CFAP299: variants seen among roughly 807,000 people sequenced by gnomAD.
CFAP299 encodes the protein cilia- and flagella-associated protein 299.
In CFAP299, 21 loss-of-function variants were observed where a neutral mutation model predicts 27.0. The observed-to-expected ratio is 0.78, with a 90% CI of 0.55 to 1.12. The LOEUF (loss-of-function observed/expected upper bound fraction) is 1.12. CFAP299 is among the 50% of genes most tolerant of loss of function. CFAP299 has a pLI of 0.00. For synonymous variants in CFAP299, 104 were observed against 98.1 expected (o/e 1.06, Z -0.36); for missense variants, 310 against 276.6 (o/e 1.12, Z -0.86).
chr4:80,893,000 T>C (rs1395853720), intron 4 of CFAP299, among the ~76,000 whole-genome samples: 1 of 151,512 alleles, frequency 6.6e-6, no homozygotes, highest in African/African-American at 2.4e-5. Context: ...ATCGAGAAAA[T>C]TAATGTTAGA....
At chr4:80,693,979 C>G (rs567807116) in intron 3 of CFAP299, among the ~76,000 whole-genome samples, 5 of 152,200 alleles carry the variant, frequency 3.3e-5, no homozygotes, top group African/African-American at 9.6e-5. Context: ...CTGAGGAAAT[C>G]ATTCCTATGA....
chr4:80,832,823 C>T (rs1403220266), intron 3 of CFAP299, among the ~76,000 whole-genome samples: 1 of 152,014 alleles, frequency 6.6e-6, no homozygotes, highest in African/African-American at 2.4e-5. Context: ...TAAATTGCCA[C>T]TTTATGTTTA....
At chr4:80,448,358 T>C (rs1049893497) in intron 2 of CFAP299, among the ~76,000 whole-genome samples, 1 of 152,224 alleles carries the variant, frequency 6.6e-6, no homozygotes, top group Non-Finnish European at 1.5e-5. Flanking sequence ...CATCATCCTA[T>C]TTATACAATA....
intron 2 of CFAP299, among the ~76,000 whole-genome samples, chr4:80,513,729 G>C (rs1262446271): frequency 6.6e-6 from 1 of 152,008 alleles, no homozygotes; most frequent in Non-Finnish European, 1.5e-5. Flanking sequence ...ATAAAAAAAT[G>C]AATTTAAATT....
intron 3 of CFAP299, among the ~76,000 whole-genome samples, chr4:80,788,282 C>T (rs189070852): frequency 5.3e-4 from 81 of 152,060 alleles, no homozygotes; most frequent in African/African-American, 1.9e-3. Flanking sequence ...TCTAACTCTG[C>T]GTAAGCCATC....
intron 2 of CFAP299, among the ~76,000 whole-genome samples, chr4:80,415,166 T>A (rs563553840): frequency 2.6e-5 from 4 of 152,348 alleles, no homozygotes; most frequent in Non-Finnish European, 5.9e-5. Flanking sequence ...TCATTTATAT[T>A]AACTTGGTAA....
At chr4:80,840,421 T>C (rs906170864) in intron 3 of CFAP299, among the ~76,000 whole-genome samples, 1 of 152,150 alleles carries the variant, frequency 6.6e-6, no homozygotes, top group Non-Finnish European at 1.5e-5. Flanking sequence ...AGGTAAATGT[T>C]ACCGGGTTAT....
intron 2 of CFAP299, among the ~76,000 whole-genome samples, chr4:80,506,073 A>C (rs1406944589): frequency 6.6e-6 from 1 of 151,640 alleles, no homozygotes. Context: ...GAACGTGCTT[A>C]TTTTGTCCCT....
intron 2 of CFAP299, among the ~76,000 whole-genome samples, chr4:80,423,730 C>G (rs1025628431): frequency 1.3e-5 from 2 of 152,180 alleles, no homozygotes; most frequent in Admixed American, 6.5e-5. Context: ...CTTTCTCTCA[C>G]TGTGTACAAG....
chr4:80,434,507 G>A (rs940784265), intron 2 of CFAP299, among the ~76,000 whole-genome samples: 1 of 152,186 alleles, frequency 6.6e-6, no homozygotes, highest in Admixed American at 6.5e-5. Flanking sequence ...GTTTAAAAGT[G>A]CTGATGAGTC....
At chr4:80,751,776 G>A (rs1198802441) in intron 3 of CFAP299, among the ~76,000 whole-genome samples, 1 of 152,214 alleles carries the variant, frequency 6.6e-6, no homozygotes, top group Admixed American at 6.5e-5. Flanking sequence ...GCCTCAGGCA[G>A]ATTCCAGCCT....
chr4:80,834,277 T>A (rs530021167), intron 3 of CFAP299, among the ~76,000 whole-genome samples: 1 of 152,280 alleles, frequency 6.6e-6, no homozygotes, highest in Non-Finnish European at 1.5e-5. Context: ...CAGAGGAGTC[T>A]TTAGGAAGCA....
chr4:80,596,897 C>T (rs1737086914), intron 3 of CFAP299, among the ~76,000 whole-genome samples: 1 of 152,032 alleles, frequency 6.6e-6, no homozygotes, highest in Non-Finnish European at 1.5e-5. Context: ...TCCATGTTGT[C>T]GTGTGCAGTT....
intron 3 of CFAP299, among the ~76,000 whole-genome samples, chr4:80,607,362 G>A (rs570009042): frequency 1.8e-4 from 28 of 152,050 alleles, no homozygotes; most frequent in Non-Finnish European, 3.8e-4. Context: ...TACTTCATAA[G>A]GATATCGAGA....
intron 2 of CFAP299, among the ~76,000 whole-genome samples, chr4:80,366,970 A>T (rs1457728258): frequency 1.3e-5 from 2 of 152,228 alleles, no homozygotes; most frequent in Non-Finnish European, 2.9e-5. Context: ...TACTTACTGC[A>T]TGATACCATT....
intron 3 of CFAP299, among the ~76,000 whole-genome samples, chr4:80,728,927 G>C (rs1723318839): frequency 6.6e-6 from 1 of 152,134 alleles, no homozygotes; most frequent in Non-Finnish European, 1.5e-5. Context: ...GATATCATCA[G>C]TTTTTAAAAG....
At chr4:80,538,475 A>G (rs1733851051) in intron 2 of CFAP299, among the ~76,000 whole-genome samples, 1 of 151,610 alleles carries the variant, frequency 6.6e-6, no homozygotes, top group Non-Finnish European at 1.5e-5. Flanking sequence ...TTTACTCACC[A>G]CTTACTCACT....
upstream of CFAP299, among the ~76,000 whole-genome samples, chr4:80,332,001 C>T (rs935389276): frequency 1.4e-4 from 22 of 152,262 alleles, no homozygotes; most frequent in African/African-American, 2.2e-4. Flanking sequence ...GGAAAACCAA[C>T]GAACCAACCA....
At chr4:80,714,925 A>G (rs1335752588) in intron 3 of CFAP299, among the ~76,000 whole-genome samples, 2 of 152,104 alleles carry the variant, frequency 1.3e-5, no homozygotes, top group Non-Finnish European at 2.9e-5. Context: ...GGAAAAAAAT[A>G]TCAATTCTGA....
Sources: allele counts gnomAD v4.1 joint callset (sites outside exome capture counted in the v4.1 genomes callset), GRCh38; gene constraint gnomAD v4.1.1; transcripts MANE v1.5; gene names NCBI Gene and HGNC (gene_info 2026-07-23, HGNC 2026-07-21).